The following PTPN5 variants were observed in gnomAD, a reference collection of about 807,000 sequenced individuals.
PTPN5 encodes the protein tyrosine-protein phosphatase non-receptor type 5.
In PTPN5, 29 loss-of-function variants were observed where a neutral mutation model predicts 73.9. The observed-to-expected ratio is 0.39, with a 90% CI of 0.29 to 0.54. The LOEUF (loss-of-function observed/expected upper bound fraction) is 0.54, where lower values mean the gene tolerates loss of function less well. PTPN5 is among the 20% of genes least tolerant of loss of function. The pLI is 0.65. For synonymous variants in PTPN5, 267 were observed against 304.7 expected (o/e 0.88, Z 1.29); for missense variants, 652 against 751.4 (o/e 0.87, Z 1.55).
intron 1 of PTPN5, among the ~76,000 whole-genome samples, chr11:18,782,934 G>A (rs1298245080): frequency 6.6e-6 from 1 of 152,248 alleles, no homozygotes; most frequent in Non-Finnish European, 1.5e-5. Flanking sequence ...GCTATGGGGA[G>A]CCACAGAAGG....
intron 2 of PTPN5, among the ~76,000 whole-genome samples, chr11:18,768,343 C>T (rs1210848977): frequency 6.6e-6 from 1 of 152,170 alleles, no homozygotes. Context: ...TGACTTGCCC[C>T]ACATTTTATA....
intron 3 of PTPN5, among the ~76,000 whole-genome samples, chr11:18,765,455 T>G (rs1288553816): frequency 6.6e-6 from 1 of 152,124 alleles, no homozygotes; most frequent in Non-Finnish European, 1.5e-5. Context: ...CCTTCAGGTT[T>G]TGCTTCCTAC....
chr11:18,772,047 G>T lies in PTPN5; in HGVS notation c.-89C>A. 1.0e-6 allele frequency: 1 copy of T among 1,000,280 alleles called. No individual in the cohort carries two copies. The highest frequency in any genetic ancestry group is 1.5e-6 in the Non-Finnish European group (1 of 676,688). 62.0% of individuals were successfully genotyped at this position (1,000,280 alleles called of 1,614,324 possible). On this transcript the variant is annotated 5_prime_UTR_variant, in exon 2 of 15. Transcript: ENST00000358540. ...GCAAGCTGGTGATATAAATGAAGGA[G>T]AGAGGGCAGCTTCAGATCATCCAGC...
chr11:18,756,921 C>CAAA (rs71483486), intron 3 of PTPN5, among the ~76,000 whole-genome samples: 61 of 83,314 alleles, frequency 7.3e-4, no homozygotes, highest in African/African-American at 1.9e-3. Context: ...AAGACTCCAT[C>CAAA]AAAAAAAAAA....
At chr11:18,790,408 C>T (rs111561170) in intron 1 of PTPN5, among the ~76,000 whole-genome samples, 1,554 of 152,158 alleles carry the variant, frequency 0.01, 11 homozygotes, top group Middle Eastern at 0.024. Context: ...CCTGGGATGC[C>T]ACATCACCTG....
At position 18,729,317 on chromosome 11, in the gene PTPN5, C is replaced by A; in HGVS notation, c.1604+136G>T. The A allele has an allele frequency of 1.6e-6, 1 of 637,236 alleles. No homozygotes were observed. The highest frequency in any genetic ancestry group is 2.8e-6 in the Non-Finnish European group (1 of 351,290). The allele number at this position is 637,236 out of a possible 1,614,324, so 39.5% of individuals were successfully genotyped here. A position where few individuals can be genotyped will look rare whatever the true frequency, so the allele number is the denominator to read the frequency against. On this transcript the variant is annotated intron_variant, in intron 14 of 14. Transcript: ENST00000358540. The surrounding 1 kb of genome is among the most constrained non-coding windows in gnomAD (Gnocchi z 5.2). ...CCTCTACCCAGCTGTCCTCGCTACTCCTTGTCTGCCCATCAGTCCGTGCCA... is the reference window on the plus strand; with the variant it reads ...CCTCTACCCAGCTGTCCTCGCTACTACTTGTCTGCCCATCAGTCCGTGCCA...
intron 3 of PTPN5, 33 bp from the exon 4 acceptor site, chr11:18,744,232 C>A: frequency 6.9e-7 from 1 of 1,454,400 alleles, no homozygotes; most frequent in Non-Finnish European, 9.0e-7. Context: ...GCCGATGACT[C>A]CGGCCCTGTC....
chr11:18,780,580 G>C (rs1165278826), intron 1 of PTPN5, among the ~76,000 whole-genome samples: 1 of 152,080 alleles, frequency 6.6e-6, no homozygotes, highest in African/African-American at 2.4e-5. Flanking sequence ...CCTCAGCCCA[G>C]GTCTCCTCCA....
chr11:18,776,427 T>C (rs529890426), intron 1 of PTPN5, among the ~76,000 whole-genome samples: 8 of 152,242 alleles, frequency 5.3e-5, no homozygotes, highest in Non-Finnish European at 1.2e-4. Flanking sequence ...TACCCCTCCA[T>C]ACGGTCATTA....
intron 1 of PTPN5, among the ~76,000 whole-genome samples, chr11:18,780,695 C>T (rs2134352202): frequency 6.6e-6 from 1 of 152,292 alleles, no homozygotes; most frequent in East Asian, 1.9e-4. Flanking sequence ...CACACCCTGT[C>T]CCGGGCTGCT....
At chr11:18,762,287 G>GT (rs1394083915) in intron 3 of PTPN5, among the ~76,000 whole-genome samples, 1 of 152,180 alleles carries the variant, frequency 6.6e-6, no homozygotes, top group Non-Finnish European at 1.5e-5. Context: ...TCGCCTCTGG[G>GT]TAAGACAGAG....
chr11:18,733,733 A>C lies in PTPN5; in HGVS notation c.1001-98T>G, dbSNP rs1848996599. 2.9e-6 allele frequency: 3 copies of C among 1,046,046 alleles called. No homozygotes were observed. The Admixed American group carries it at 5.4e-5, about 19-fold the overall frequency. The allele number at this position is 1,046,046 out of a possible 1,614,324, so 64.8% of individuals were successfully genotyped here. On this transcript the variant is annotated intron_variant, in intron 9 of 14. Transcript: ENST00000358540. The surrounding 1 kb of genome is among the most constrained non-coding windows in gnomAD (Gnocchi z 4.3). ...CCAGCATACCCACACTTCTTCTGCG[A>C]CATTAGCAGTTCTTCCTTCCCTTGC... is the stretch of plus-strand genomic sequence containing the variant.
intron 8 of PTPN5, 73 bp from the exon 9 acceptor site, chr11:18,738,037 C>T (rs1374977037): frequency 2.4e-6 from 3 of 1,259,328 alleles, no homozygotes; most frequent in South Asian, 1.2e-5. Flanking sequence ...GCTGCTGTGC[C>T]CCCAACTCCT....
rs1366805360 is a variant in PTPN5 at position 18,742,584 on chromosome 11, C to T, written c.484-81G>A. 6.5e-7 allele frequency: 1 copy of T among 1,547,556 alleles called. No individual in the cohort carries two copies. The highest frequency in any genetic ancestry group is 1.8e-5 in the Admixed American group (1 of 56,558). On this transcript the variant is annotated intron_variant, in intron 6 of 14. Transcript: ENST00000358540. The surrounding 1 kb of genome is among the most constrained non-coding windows in gnomAD (Gnocchi z 4.1). The stretch of plus-strand genomic sequence containing the variant: ...TCCTGGAGTGCCCATGGGATTGACG[C>T]CCCCCCACTCCCTCAGTGTGTCTAG...
At chr11:18,787,525 T>G (rs925753383) in intron 1 of PTPN5, among the ~76,000 whole-genome samples, 3 of 152,128 alleles carry the variant, frequency 2.0e-5, no homozygotes, top group Non-Finnish European at 4.4e-5. Flanking sequence ...CTTATCACTT[T>G]CCCCCTTTGT....
Position 18,729,690 on chromosome 11 carries a change from C to T in PTPN5, c.1458G>A (p.Gly486=). 6.3e-7 allele frequency: 1 copy of T among 1,578,814 alleles called. No homozygotes were observed. The highest frequency in any genetic ancestry group is 8.6e-7 in the Non-Finnish European group (1 of 1,160,568). ...GGACGATGATGGGGGCACAGTGGGG[C>T]CCCTCCTGCTGGGCTGCCTCCTCCA... is the stretch of plus-strand genomic sequence containing the variant. ...REVEEAAQQE[G]PHCAPIIVHC... Residue 486 remains glycine (G), a synonymous_variant, in exon 13 of 15, where the codon GGG becomes GGA. Transcript: ENST00000358540. The surrounding 1 kb of genome is among the most constrained non-coding windows in gnomAD (Gnocchi z 5.2).
chr11:18,773,400 T>C (rs1214094800), intron 1 of PTPN5, among the ~76,000 whole-genome samples: 3 of 151,994 alleles, frequency 2.0e-5, no homozygotes, highest in Non-Finnish European at 4.4e-5. Flanking sequence ...GTGCCTGGTG[T>C]GTGGGTGGGT....
At chr11:18,764,046 A>T (rs1379428600) in intron 3 of PTPN5, among the ~76,000 whole-genome samples, 7 of 152,198 alleles carry the variant, frequency 4.6e-5, no homozygotes, top group African/African-American at 7.2e-5. Context: ...GAATTCTATG[A>T]CTCATATCTG....
At chr11:18,772,933 T>C (rs1850972772) in intron 1 of PTPN5, among the ~76,000 whole-genome samples, 1 of 151,456 alleles carries the variant, frequency 6.6e-6, no homozygotes, top group South Asian at 2.1e-4. Context: ...TCAGGAGACG[T>C]TTGGTACCCA....
Sources: gnomAD v4.1 joint callset for allele counts (sites outside exome capture counted in the v4.1 genomes callset) on GRCh38, gnomAD v4.1.1 for gene constraint, Gnocchi (gnomAD v3.1) non-coding constraint, MANE v1.5 for transcripts, NCBI Gene and HGNC (gene_info 2026-07-23, HGNC 2026-07-21) for gene names.